COX10: variants seen among roughly 807,000 people sequenced by gnomAD.
COX10 encodes protoheme IX farnesyltransferase, mitochondrial.
COX10 carries 27 observed loss-of-function variants against 37.3 expected under a neutral mutation model. The ratio of observed to expected loss-of-function variants is 0.72; its 90% CI spans 0.53 to 1.00. The LOEUF is 1.00. Ranked by LOEUF, COX10 falls within the 50% of genes least tolerant of loss-of-function variation. The pLI is 0.00. For missense variants in COX10, 475 were observed against 563.2 expected (o/e 0.84, Z 1.59); for synonymous variants, 222 against 229.1 (o/e 0.97, Z 0.28).
At chr17:14,195,214 T>C (rs1045439517) in intron 6 of COX10, among the ~76,000 whole-genome samples, 2 of 152,238 alleles carry the variant, frequency 1.3e-5, no homozygotes, top group African/African-American at 2.4e-5. Flanking sequence ...AAATACTTAA[T>C]TGAATGAACA....
At chr17:14,142,075 C>A (rs548454216) in intron 4 of COX10, among the ~76,000 whole-genome samples, 6 of 152,312 alleles carry the variant, frequency 3.9e-5, no homozygotes, top group African/African-American at 1.4e-4. Context: ...CCCACCTGCA[C>A]TGTTGTCACT....
intron 4 of COX10, among the ~76,000 whole-genome samples, chr17:14,127,927 A>ATGTGTGTGTGTG (rs67774468): frequency 2.1e-5 from 3 of 143,704 alleles, no homozygotes; most frequent in African/African-American, 7.8e-5. Context: ...GAGTGTGTGT[A>ATGTGTGTGTGTG]TGTGTGTGTG....
chr17:14,174,574 A>G (rs2142250603), intron 5 of COX10, among the ~76,000 whole-genome samples: 1 of 152,324 alleles, frequency 6.6e-6, no homozygotes, highest in Non-Finnish European at 1.5e-5. Flanking sequence ...GGAAATGCAA[A>G]TTAAAAACAC....
At chr17:14,128,292 T>G (rs1017230573) in intron 4 of COX10, among the ~76,000 whole-genome samples, 1 of 152,156 alleles carries the variant, frequency 6.6e-6, no homozygotes, top group Non-Finnish European at 1.5e-5. Context: ...GCAGCAGTTT[T>G]TTTTTAGTTT....
At chr17:14,126,496 C>T (rs1916344811) in intron 4 of COX10, among the ~76,000 whole-genome samples, 1 of 152,180 alleles carries the variant, frequency 6.6e-6, no homozygotes, top group Non-Finnish European at 1.5e-5. Flanking sequence ...TTTCTCTTTG[C>T]AGTGTTCTGA....
intron 4 of COX10, among the ~76,000 whole-genome samples, chr17:14,150,066 GT>G (rs1597522693): frequency 6.6e-6 from 1 of 152,134 alleles, no homozygotes; most frequent in East Asian, 1.9e-4. Flanking sequence ...GAGGCCAAGA[GT>G]TTGAGACCAG....
rs1597501439 is a variant in COX10 at position 14,102,229 on chromosome 17, A to G, written c.611A>G (p.Asn204Ser). The change falls in exon 4 of 7, where the codon AAC becomes AGC. Residue 204 changes from asparagine (N) to serine (S), a missense_variant. Coordinates refer to ENST00000261643, the MANE Select transcript of COX10 (RefSeq NM_001303.4). ...ACAGGCCTTGCATCCTGTGCTGCCA[A>G]CTCCATCAATCAGGTCAGTTTCTCA... ...VGTGLASCAA[N>S]SINQFFEVPF... 1.2e-6 allele frequency: 2 copies of G among 1,613,624 alleles called. No individual in the cohort carries two copies. Among genetic ancestry groups the G allele is most frequent in the Non-Finnish European group, 1.7e-6 (2 of 1,179,704 alleles).
chr17:14,194,460 T>C (rs1480311980), intron 6 of COX10, among the ~76,000 whole-genome samples: 1 of 152,224 alleles, frequency 6.6e-6, no homozygotes, highest in African/African-American at 2.4e-5. Flanking sequence ...GGCGTCTCGC[T>C]CTGTCGCCCA....
At chr17:14,103,659 C>T (rs900049286) in intron 4 of COX10, among the ~76,000 whole-genome samples, 1 of 151,886 alleles carries the variant, frequency 6.6e-6, no homozygotes, top group Admixed American at 6.6e-5. Context: ...CTCATCCCAC[C>T]CCTTTTCTTT....
chr17:14,102,066 C>T (rs371345622), intron 3 of COX10, 52 bp from the exon 4 acceptor site: 12 of 1,612,670 alleles, frequency 7.4e-6, no homozygotes, highest in Non-Finnish European at 1.0e-5. Flanking sequence ...CTGGCCTTTA[C>T]AGTTGGGACT....
At chr17:14,181,254 G>A (rs959924948) in intron 5 of COX10, among the ~76,000 whole-genome samples, 10 of 152,164 alleles carry the variant, frequency 6.6e-5, no homozygotes, top group East Asian at 1.9e-4. Context: ...AATTAGACAC[G>A]TTCACAGAAT....
At chr17:14,165,009 A>G (rs1905246252) in intron 5 of COX10, among the ~76,000 whole-genome samples, 1 of 152,198 alleles carries the variant, frequency 6.6e-6, no homozygotes, top group African/African-American at 2.4e-5. Context: ...TTCCCTTTCA[A>G]CAATGCCCAG....
Position 14,207,860 on chromosome 17 carries a change from C to T in COX10, c.*647C>T, listed in dbSNP as rs1906757465. On this transcript the variant is annotated 3_prime_UTR_variant, in exon 7 of 7. Transcript: ENST00000261643. ...CCAGCCCCTGTCCTCCCTTCACCCC[C>T]ATTGCGTATGAGCATTTCAGAACTC... 6.5e-6 allele frequency: 1 copy of T among 152,748 alleles called. No homozygotes were observed. The highest frequency in any genetic ancestry group is 1.5e-5 in the Non-Finnish European group (1 of 68,474). The allele number at this position is 152,748 out of a possible 1,614,324, so 9.5% of individuals were successfully genotyped here. A position where few individuals can be genotyped will look rare whatever the true frequency, so the allele number is the denominator to read the frequency against.
intron 5 of COX10, chr17:14,179,132 A>G (rs1345270469): frequency 3.2e-6 from 1 of 309,096 alleles, no homozygotes; most frequent in African/African-American, 2.3e-5. Flanking sequence ...CCAAGTCTTA[A>G]TTTCGCTTCA....
intron 4 of COX10, among the ~76,000 whole-genome samples, chr17:14,117,390 C>T (rs768183752): frequency 3.3e-5 from 5 of 152,144 alleles, no homozygotes; most frequent in African/African-American, 7.2e-5. Flanking sequence ...TAACTTAATT[C>T]GGTCCTAAAC....
rs138249110 is a variant in COX10 at position 14,079,318 on chromosome 17, A to T, written c.499+2262A>T. ...TAAGGTTGTTTTTGCCTGTGGAGGG[A>T]CTTGAAGTGAATGAATATTTACTCG... On this transcript the variant is annotated intron_variant, in intron 3 of 6. Transcript: ENST00000261643. Among the ~76,000 whole-genome samples, 1,102 of 152,218 alleles carry T rather than the reference A, an allele frequency of 7.2e-3. 8 individuals are homozygous for T. Among genetic ancestry groups the T allele is most frequent in the South Asian group, 0.02 (96 of 4,818 alleles).
intron 3 of COX10, among the ~76,000 whole-genome samples, chr17:14,084,884 T>C (rs933686074): frequency 2.0e-5 from 3 of 152,212 alleles, no homozygotes; most frequent in African/African-American, 7.2e-5. Flanking sequence ...GGTCTTGAAC[T>C]CCTGACCTCA....
intron 3 of COX10, among the ~76,000 whole-genome samples, chr17:14,089,905 C>A (rs1277871422): frequency 6.6e-6 from 1 of 152,136 alleles, no homozygotes; most frequent in African/African-American, 2.4e-5. Context: ...TCTCCTAGCT[C>A]TTTACTGTCA....
At chr17:14,148,627 T>C (rs1904800389) in intron 4 of COX10, among the ~76,000 whole-genome samples, 1 of 152,152 alleles carries the variant, frequency 6.6e-6, no homozygotes, top group Non-Finnish European at 1.5e-5. Context: ...CATTATTTAA[T>C]GTAGGGGAAG....
Sources: allele counts gnomAD v4.1 joint callset (sites outside exome capture counted in the v4.1 genomes callset), GRCh38; gene constraint gnomAD v4.1.1; transcripts MANE v1.5; gene names NCBI Gene and HGNC (gene_info 2026-07-23, HGNC 2026-07-21).